The following ERC1 variants were observed in gnomAD, a reference collection of about 807,000 sequenced individuals.
ERC1 encodes RAB6 interacting protein 2.
A neutral mutation model predicts 132.0 loss-of-function variants in ERC1; 56 were observed. The ratio of observed to expected loss-of-function variants is 0.42; its 90% CI spans 0.34 to 0.53. ERC1 has a LOEUF of 0.53. Among genes scored for constraint, ERC1 ranks in the 20% least tolerant of loss-of-function variants. The probability of loss-of-function intolerance (pLI) is 0.03; values close to 1 mark genes in which losing one functional copy is unlikely to be tolerated. For missense variants in ERC1, 1,202 were observed against 1,349.9 expected (o/e 0.89, Z 1.72); for synonymous variants, 478 against 476.1 (o/e 1.00, Z -0.05).
At chr12:1,273,626 A>C (rs901286772) in intron 14 of ERC1, among the ~76,000 whole-genome samples, 3 of 152,042 alleles carry the variant, frequency 2.0e-5, no homozygotes, top group African/African-American at 7.3e-5. Context: ...CACCTGAAAA[A>C]CTGATATTTT....
chr12:1,410,143 T>C (rs2091758334), intron 17 of ERC1, among the ~76,000 whole-genome samples: 1 of 152,170 alleles, frequency 6.6e-6, no homozygotes, highest in Non-Finnish European at 1.5e-5. Flanking sequence ...TTTATATATA[T>C]ATATGTATGT....
intron 11 of ERC1, among the ~76,000 whole-genome samples, chr12:1,187,323 CATAAG>C (rs1332660164): frequency 6.6e-6 from 1 of 151,662 alleles, no homozygotes; most frequent in Non-Finnish European, 1.5e-5. Context: ...AATTTGTTGT[CATAAG>C]GGAAGGGAAG....
rs1349860342 is a variant in ERC1 at position 1,483,775 on chromosome 12, C to T, written c.3214-6318C>T. 4.8e-5 allele frequency among the ~76,000 whole-genome samples: 7 copies of T among 145,342 alleles called. No individual in the cohort carries two copies. In the East Asian group the frequency reaches 6.2e-4, roughly 13 times the overall value. On this transcript the variant is annotated intron_variant, in intron 18 of 18. Coordinates refer to ENST00000360905, the MANE Select transcript of ERC1 (RefSeq NM_178040.4). ...CGCGATCTCGCCTTACTGCAACCTC[C>T]GCCTCTGGGGTTCAAGCTTTTCTTG...
chr12:1,123,218 T>G (rs1368150044), intron 7 of ERC1, among the ~76,000 whole-genome samples: 1 of 152,164 alleles, frequency 6.6e-6, no homozygotes. Context: ...AGTATGGCTC[T>G]TAATACGCTA....
chr12:1,121,644 T>C (rs1474091586), intron 7 of ERC1, among the ~76,000 whole-genome samples: 3 of 13,200 alleles, frequency 2.3e-4, no homozygotes, highest in Non-Finnish European at 7.7e-4. Context: ...GCTGATGATC[T>C]CTATCTCTAT....
intron 2 of ERC1, among the ~76,000 whole-genome samples, chr12:1,070,601 T>C (rs892832720): frequency 2.0e-5 from 3 of 152,200 alleles, no homozygotes; most frequent in Non-Finnish European, 4.4e-5. Context: ...TTCCTTCTTC[T>C]AATCCAAGTC....
At chr12:1,108,316 C>T (rs1479552070) in intron 4 of ERC1, among the ~76,000 whole-genome samples, 1 of 152,034 alleles carries the variant, frequency 6.6e-6, no homozygotes, top group Non-Finnish European at 1.5e-5. Flanking sequence ...TTTTTAAGGG[C>T]CTTGTAGAGA....
chr12:1,431,890 T>C (rs1184992916), intron 17 of ERC1, among the ~76,000 whole-genome samples: 2 of 152,222 alleles, frequency 1.3e-5, no homozygotes, highest in East Asian at 1.9e-4. Flanking sequence ...AGTGTATAGT[T>C]ACACTTTTGG....
chr12:1,286,879 T>C (rs900073066), intron 14 of ERC1, among the ~76,000 whole-genome samples: 1 of 152,316 alleles, frequency 6.6e-6, no homozygotes, highest in African/African-American at 2.4e-5. Flanking sequence ...ATGAAAGATA[T>C]TAAAGTTCTA....
At chr12:1,071,927 C>G (rs569866419) in intron 2 of ERC1, among the ~76,000 whole-genome samples, 48 of 152,066 alleles carry the variant, frequency 3.2e-4, no homozygotes, top group African/African-American at 1.1e-3. Flanking sequence ...ATGGAGAAAC[C>G]CTGTCTCTAC....
intron 12 of ERC1, among the ~76,000 whole-genome samples, chr12:1,229,387 G>A (rs1047727466): frequency 6.6e-6 from 1 of 152,138 alleles, no homozygotes; most frequent in East Asian, 1.9e-4. Flanking sequence ...TGTGGTTGCA[G>A]CAACTTGAGA....
chr12:1,391,896 C>A (rs979152189), intron 16 of ERC1, among the ~76,000 whole-genome samples: 82 of 152,114 alleles, frequency 5.4e-4, no homozygotes, highest in African/African-American at 2.0e-3. Context: ...ATATATAAGG[C>A]AGAAAGATCC....
intron 16 of ERC1, among the ~76,000 whole-genome samples, chr12:1,394,199 G>A (rs4766372): frequency 6.3e-4 from 95 of 151,362 alleles, no homozygotes; most frequent in Non-Finnish European, 1.0e-3. Flanking sequence ...AGGAGATCGA[G>A]ACCATCCTGG....
chr12:1,153,721 C>T (rs1027183650), intron 8 of ERC1, among the ~76,000 whole-genome samples: 1 of 152,196 alleles, frequency 6.6e-6, no homozygotes, highest in Admixed American at 6.5e-5. Flanking sequence ...GGCAGGTGTT[C>T]GAAGCCCCTC....
In ERC1 at chr12:1,027,863, G is replaced by T. The variant is rs1214584272; in HGVS notation, c.-41G>T. ...CAAGGTTCCCATTTTTGTTGTTGTT[G>T]TTGTTGATTTTCTGCTCACACCTTT... On this transcript the variant is annotated 5_prime_UTR_variant, in exon 2 of 19. Transcript: ENST00000360905. The T allele has an allele frequency of 3.3e-6, 5 of 1,529,810 alleles. No homozygotes were observed. Among genetic ancestry groups the T allele is most frequent in the South Asian group, 2.5e-5 (2 of 79,778 alleles). 94.8% of individuals were successfully genotyped at this position (1,529,810 alleles called of 1,614,324 possible).
chr12:1,190,207 T>A, intron 12 of ERC1, 155 bp downstream of exon 12: 1 of 783,362 alleles, frequency 1.3e-6, no homozygotes, highest in Middle Eastern at 2.5e-4. Context: ...AGGTCAGTTG[T>A]ACGTTCTTTG....
At chr12:1,294,907 C>T (rs555153356) in intron 15 of ERC1, among the ~76,000 whole-genome samples, 2 of 152,184 alleles carry the variant, frequency 1.3e-5, no homozygotes, top group Non-Finnish European at 2.9e-5. Flanking sequence ...GGTAAAACTC[C>T]CCTCAAGCTA....
intron 15 of ERC1, among the ~76,000 whole-genome samples, chr12:1,348,042 G>A (rs1025614524): frequency 1.3e-5 from 2 of 152,270 alleles, no homozygotes; most frequent in South Asian, 4.1e-4. Flanking sequence ...TCTCCACTTA[G>A]TTGATTCTCT....
In ERC1 at chr12:1,438,053, G is replaced by A. The variant is rs181397119; in HGVS notation, c.3025-6509G>A. Among the ~76,000 whole-genome samples the A allele has an allele frequency of 1.0e-3, 153 of 151,912 alleles. 4 individuals are homozygous for A. The South Asian group carries it at 0.028, about 28-fold the overall frequency. ...TAACGTTTATTCATCTCAGTGACTA[G>A]TGGTCCCTGGACCTGAACTCCTAGT... is the stretch of plus-strand genomic sequence containing the variant. On this transcript the variant is annotated intron_variant, in intron 17 of 18. Coordinates refer to ENST00000360905, the MANE Select transcript of ERC1 (RefSeq NM_178040.4).
Sources: allele counts gnomAD v4.1 joint callset (sites outside exome capture counted in the v4.1 genomes callset), GRCh38; gene constraint gnomAD v4.1.1; transcripts MANE v1.5; gene names NCBI Gene and HGNC (gene_info 2026-07-23, HGNC 2026-07-21).